The following RPL39L variants were observed in gnomAD, a reference collection of about 807,000 sequenced individuals.
RPL39L encodes the protein ribosomal protein L39 like.
For missense variants in RPL39L, 48 were observed against 58.9 expected, an observed-to-expected ratio of 0.81 and a Z score of 0.61; for synonymous variants, 16 against 20.1, an observed-to-expected ratio of 0.80 and a Z score of 0.55.
At chr3:187,138,315 C>T (rs1720620415) in intron 1 of RPL39L, among the ~76,000 whole-genome samples, 2 of 152,102 alleles carry the variant, frequency 1.3e-5, no homozygotes, top group Admixed American at 6.5e-5. Flanking sequence ...AAGTACAGGG[C>T]CCTTCTGAGC....
At chr3:187,135,296 C>G (rs562746626) in intron 1 of RPL39L, among the ~76,000 whole-genome samples, 25 of 152,164 alleles carry the variant, frequency 1.6e-4, no homozygotes, top group Non-Finnish European at 2.9e-4. Context: ...TGTGTCCCCA[C>G]CCAAATCTCA....
intron 1 of RPL39L, among the ~76,000 whole-genome samples, chr3:187,129,821 C>T (rs1206455904): frequency 6.7e-6 from 1 of 150,264 alleles, no homozygotes; most frequent in Admixed American, 6.6e-5. Flanking sequence ...TCCCAGGTCA[C>T]CACTATACCC....
chr3:187,121,203 C>A lies in RPL39L; in HGVS notation c.98G>T (p.Ser33Ile). The A allele has an allele frequency of 6.2e-7, 1 of 1,613,882 alleles. No individual in the cohort carries two copies. The highest frequency in any genetic ancestry group is 8.5e-7 in the Non-Finnish European group (1 of 1,179,826). The change falls in exon 3 of 3, where the codon AGT (serine) becomes ATT (isoleucine). Residue 33 changes from serine to isoleucine, a missense_variant. Physicochemically the swap from Ser to Ile is moderately radical, Grantham distance 142 (BLOSUM62 -2). Coordinates refer to ENST00000296277, the MANE Select transcript of RPL39L (RefSeq NM_052969.3). ...CCTTTTGGAGTTGTACCTGATTTTA[C>A]TACCAGGTTTCATCTGAATCCACTG... ...IPQWIQMKPG[S>I]KIRYNSKRRH...
intron 1 of RPL39L, among the ~76,000 whole-genome samples, chr3:187,138,300 A>AAAGT (rs2108471779): frequency 6.6e-6 from 1 of 152,292 alleles, no homozygotes; most frequent in South Asian, 2.1e-4. Flanking sequence ...GCAGAGCAAG[A>AAAGT]AAGTAAGTAC....
chr3:187,132,539 A>G (rs1024335166), intron 1 of RPL39L, among the ~76,000 whole-genome samples: 7 of 152,140 alleles, frequency 4.6e-5, no homozygotes, highest in African/African-American at 9.7e-5. Flanking sequence ...CTTATTCTCT[A>G]TTTTCGGGAA....
intron 2 of RPL39L, among the ~76,000 whole-genome samples, chr3:187,125,504 G>A (rs1720382032): frequency 6.6e-6 from 1 of 152,004 alleles, no homozygotes; most frequent in Admixed American, 6.6e-5. Flanking sequence ...GTGGCTTTCT[G>A]AATCGCTGCA....
At chr3:187,133,070 G>C (rs1030043121) in intron 1 of RPL39L, among the ~76,000 whole-genome samples, 1 of 152,210 alleles carries the variant, frequency 6.6e-6, no homozygotes, top group African/African-American at 2.4e-5. Flanking sequence ...GGGAGCCTCA[G>C]ACATAAAGAC....
At chr3:187,126,135 T>C (rs1303852538) in intron 2 of RPL39L, among the ~76,000 whole-genome samples, 1 of 152,030 alleles carries the variant, frequency 6.6e-6, no homozygotes, top group East Asian at 1.9e-4. Flanking sequence ...GAACTTTCTG[T>C]TCCCAAAAAT....
rs538662363 is a variant in RPL39L, at chr3:187,127,664, C to T, written c.-29+335G>A. On this transcript the variant is annotated intron_variant, in intron 2 of 2. Coordinates refer to ENST00000296277, the MANE Select transcript of RPL39L (RefSeq NM_052969.3). ...TGGCGTAAATCCTGTCTACCATCATCCCACCACCTTCATTTATAATCAGTG... is the reference window on the plus strand; with the variant it reads ...TGGCGTAAATCCTGTCTACCATCATTCCACCACCTTCATTTATAATCAGTG... Among the ~76,000 whole-genome samples, 25 of 152,296 alleles carry T rather than the reference C, an allele frequency of 1.6e-4. 1 individual carries two copies. Among genetic ancestry groups the T allele is most frequent in the Admixed American group, 1.5e-3 (23 of 15,292 alleles).
chr3:187,138,416 A>T (rs1433692785), intron 1 of RPL39L, among the ~76,000 whole-genome samples: 2 of 152,188 alleles, frequency 1.3e-5, no homozygotes, highest in African/African-American at 2.4e-5. Flanking sequence ...AAAGGCAAGG[A>T]AGTGGCGAGA....
intron 1 of RPL39L, among the ~76,000 whole-genome samples, chr3:187,135,668 C>T (rs142243226): frequency 1.3e-5 from 2 of 152,326 alleles, no homozygotes; most frequent in Non-Finnish European, 2.9e-5. Flanking sequence ...GCAAAACACA[C>T]TCGTGGGTGA....
chr3:187,128,240 CGTAA>C (rs1720430768), intron 1 of RPL39L, among the ~76,000 whole-genome samples, 178 bp from the exon 2 acceptor site: 1 of 152,122 alleles, frequency 6.6e-6, no homozygotes, highest in Non-Finnish European at 1.5e-5. Context: ...AATTGAAACA[CGTAA>C]TATTAAACTG....
intron 1 of RPL39L, among the ~76,000 whole-genome samples, chr3:187,130,013 T>C (rs1254591749): frequency 3.3e-5 from 5 of 152,208 alleles, no homozygotes; most frequent in African/African-American, 4.8e-5. Flanking sequence ...TACATAGTTT[T>C]AATATACTTT....
chr3:187,131,011 T>C (rs780346800), intron 1 of RPL39L, among the ~76,000 whole-genome samples: 1 of 152,248 alleles, frequency 6.6e-6, no homozygotes, highest in Non-Finnish European at 1.5e-5. Context: ...CTTACTTTCC[T>C]TAGCATGTCC....
chr3:187,128,402 CA>C (rs1205659315), intron 1 of RPL39L, among the ~76,000 whole-genome samples: 1 of 152,158 alleles, frequency 6.6e-6, no homozygotes. Context: ...CTTCAAAAAA[CA>C]GTAATATTTG....
At chr3:187,124,829 T>C (rs1436292163) in intron 2 of RPL39L, among the ~76,000 whole-genome samples, 1 of 152,236 alleles carries the variant, frequency 6.6e-6, no homozygotes, top group African/African-American at 2.4e-5. Flanking sequence ...CCACTTAAAT[T>C]AGGCCATTAA....
intron 1 of RPL39L, among the ~76,000 whole-genome samples, chr3:187,131,035 T>G: frequency 6.6e-6 from 1 of 152,264 alleles, no homozygotes. Context: ...TTCAGCTTTC[T>G]CTACATCCTT....
At chr3:187,121,401 A>G (rs1363227276) in intron 2 of RPL39L, 73 bp from the exon 3 acceptor site, 1 of 1,424,256 alleles carries the variant, frequency 7.0e-7, no homozygotes, top group Non-Finnish European at 9.6e-7. Context: ...ATGAAGAAAT[A>G]ACAAGACAAG....
rs534593444 is a variant in RPL39L, at chr3:187,135,862, C to A, written c.-93+3351G>T. 7.0e-4 allele frequency among the ~76,000 whole-genome samples: 107 copies of A among 152,342 alleles called. 2 individuals are homozygous for A. The highest frequency in any genetic ancestry group is 1.0e-3 in the Non-Finnish European group (70 of 68,022). On this transcript the variant is annotated intron_variant, in intron 1 of 2. Transcript: ENST00000296277. Reference sequence around the variant, plus strand: ...CTGCTAGGCATCTGATGCTTTAACTCTTGGTAGAAGGTGTAGGAGGAGCAG... The same window carrying A: ...CTGCTAGGCATCTGATGCTTTAACTATTGGTAGAAGGTGTAGGAGGAGCAG...
Sources: gnomAD v4.1 joint callset for allele counts (sites outside exome capture counted in the v4.1 genomes callset) on GRCh38, gnomAD v4.1.1 for gene constraint, MANE v1.5 for transcripts, NCBI Gene and HGNC (gene_info 2026-07-23, HGNC 2026-07-21) for gene names.